SPEF2: variants seen among roughly 807,000 people sequenced by gnomAD.
SPEF2 encodes the protein sperm flagellar and cilia associated 2.
SPEF2 carries 187 observed loss-of-function variants against 224.6 expected under a neutral mutation model. That is an observed-to-expected ratio of 0.83 (90% CI 0.74 to 0.94). The LOEUF (loss-of-function observed/expected upper bound fraction) is 0.94, where lower values mean the gene tolerates loss of function less well. Ranked by LOEUF, SPEF2 falls within the 40% of genes least tolerant of loss-of-function variation. SPEF2 has a pLI of 0.00. For synonymous variants in SPEF2, 715 were observed against 707.3 expected, an observed-to-expected ratio of 1.01 and a Z score of -0.17; for missense variants, 2,170 against 2,135.6, an observed-to-expected ratio of 1.02 and a Z score of -0.32.
chr5:35,646,443 T>C (rs1561126043), intron 4 of SPEF2: 2 of 375,782 alleles, frequency 5.3e-6, no homozygotes, highest in Non-Finnish European at 9.6e-6. Flanking sequence ...TTAATAGATA[T>C]GATTTGCAGA....
chr5:35,701,207 G>T (rs1449357726), intron 16 of SPEF2, among the ~76,000 whole-genome samples: 2 of 152,162 alleles, frequency 1.3e-5, no homozygotes, highest in Admixed American at 1.3e-4. Flanking sequence ...CACATGATGG[G>T]TGAATCTTCC....
intron 10 of SPEF2, among the ~76,000 whole-genome samples, chr5:35,684,744 A>G (rs921679504): frequency 2.6e-5 from 4 of 152,240 alleles, no homozygotes; most frequent in Admixed American, 2.0e-4. Context: ...CAGAAGCCTT[A>G]TATAATAGAA....
At chr5:35,751,787 C>A (rs776155144) in intron 23 of SPEF2, among the ~76,000 whole-genome samples, 9 of 152,192 alleles carry the variant, frequency 5.9e-5, no homozygotes, top group Non-Finnish European at 8.8e-5. Flanking sequence ...AAATTAATTT[C>A]TGGCTCTACC....
At chr5:35,667,303 T>C (rs1750616543) in intron 9 of SPEF2, 44 bp downstream of exon 9, 1 of 1,472,976 alleles carries the variant, frequency 6.8e-7, no homozygotes, top group Non-Finnish European at 9.3e-7. Flanking sequence ...CGATAGAGAA[T>C]GAGGAAGGAT....
rs778596460 is a variant in SPEF2 at position 35,697,729 on chromosome 5, T to C, written c.2077T>C (p.Leu693=). The C allele has an allele frequency of 2.5e-6, 4 of 1,613,442 alleles. No individual in the cohort carries two copies. In the African/African-American group the frequency reaches 5.3e-5, roughly 22 times the overall value. The change falls in exon 15 of 37, where the codon TTG becomes CTG. Residue 693 remains leucine (L), a synonymous_variant. Coordinates refer to ENST00000356031, the MANE Select transcript of SPEF2 (RefSeq NM_024867.4). ...TCAGCTTGGTGCAAAATCAGAACAG[T>C]TGCTGAAGAAAGGAAAGAGCATTCC... ...RAQLGAKSEQ[L]LKKGKSIPDV...
chr5:35,696,096 A>T (rs1009770701), intron 14 of SPEF2, among the ~76,000 whole-genome samples: 5 of 152,146 alleles, frequency 3.3e-5, no homozygotes, highest in African/African-American at 4.8e-5. Context: ...TATGACTTTT[A>T]TTTCGCTCAT....
chr5:35,629,677 T>G (rs1356135483), intron 2 of SPEF2, among the ~76,000 whole-genome samples: 4 of 152,184 alleles, frequency 2.6e-5, no homozygotes, highest in African/African-American at 9.7e-5. Context: ...TTCACATATT[T>G]AGTATCTTCA....
intron 26 of SPEF2, among the ~76,000 whole-genome samples, chr5:35,768,209 G>A (rs959216964): frequency 6.6e-6 from 1 of 152,056 alleles, no homozygotes; most frequent in Non-Finnish European, 1.5e-5. Context: ...TGCTGATGAT[G>A]CTGATGTCAA....
chr5:35,672,274 TATTGA>T (rs1751303261), intron 10 of SPEF2, among the ~76,000 whole-genome samples: 2 of 4,512 alleles, frequency 4.4e-4, no homozygotes, highest in East Asian at 8.7e-3. Context: ...ATTATAATGT[TATTGA>T]ACATTATATA....
At chr5:35,668,388 A>G (rs1393165339) in intron 9 of SPEF2, among the ~76,000 whole-genome samples, 1 of 152,190 alleles carries the variant, frequency 6.6e-6, no homozygotes, top group Non-Finnish European at 1.5e-5. Flanking sequence ...GCTGCGTGGG[A>G]AAGAGCCAGT....
chr5:35,697,632 G>A, intron 14 of SPEF2, 58 bp from the exon 15 acceptor site: 3 of 1,388,142 alleles, frequency 2.2e-6, no homozygotes, highest in Admixed American at 3.5e-5. Context: ...TCCTCCAAAT[G>A]TTTGGAATTT....
At chr5:35,686,376 T>G (rs552866587) in intron 10 of SPEF2, among the ~76,000 whole-genome samples, 4 of 152,214 alleles carry the variant, frequency 2.6e-5, no homozygotes, top group Non-Finnish European at 5.9e-5. Flanking sequence ...AATGGAATAA[T>G]ATCTAGGTAA....
intron 34 of SPEF2, 45 bp from the exon 35 acceptor site, chr5:35,806,662 A>G (rs575189448): frequency 7.6e-6 from 12 of 1,575,128 alleles, no homozygotes; most frequent in African/African-American, 1.4e-5. Context: ...CATTGGTGGA[A>G]AAAACTTCAG....
In SPEF2 at chr5:35,628,538, A is replaced by T. The variant is rs141955612; in HGVS notation, c.137A>T (p.Asp46Val). 1.2e-5 allele frequency: 19 copies of T among 1,612,766 alleles called. No homozygotes were observed. Among genetic ancestry groups the T allele is most frequent in the Non-Finnish European group, 1.3e-5 (15 of 1,179,060 alleles). Residue 46 changes from aspartate to valine, a missense_variant, in exon 2 of 37, where the codon GAT becomes GTT. Physicochemically the swap from Asp to Val is radical, Grantham distance 152. Transcript: ENST00000356031. ...EVLHKFELQD[D>V]FSEFLDSRVS... ...CTACACAAGTTTGAACTTCAGGATG[A>T]TTTTTCAGAATTTTTGGACAGCAGG... is the stretch of plus-strand genomic sequence containing the variant.
rs376221917 is a variant in SPEF2, at chr5:35,775,388, T to C, written c.4079-869T>C. ...TGGATAAGTTTTTCCAGGGGAAAAA[T>C]TGGCGTGAGAATGAAGAGGAGTATT... On this transcript the variant is annotated intron_variant, in intron 28 of 36. Coordinates refer to ENST00000356031, the MANE Select transcript of SPEF2 (RefSeq NM_024867.4). 4.6e-5 allele frequency among the ~76,000 whole-genome samples: 7 copies of C among 152,050 alleles called. No individual in the cohort carries two copies. The South Asian group carries it at 1.5e-3, about 32-fold the overall frequency.
At chr5:35,760,087 C>T (rs562740117) in intron 25 of SPEF2, among the ~76,000 whole-genome samples, 4 of 152,090 alleles carry the variant, frequency 2.6e-5, no homozygotes, top group Admixed American at 6.6e-5. Flanking sequence ...CTCCGCCAGG[C>T]GCGGTGGCTC....
intron 8 of SPEF2, among the ~76,000 whole-genome samples, chr5:35,661,257 TATATATATATATATATATATA>T (rs1749666439): frequency 9.6e-4 from 6 of 6,236 alleles, no homozygotes; most frequent in Admixed American, 5.4e-3. Context: ...GTATATATTA[TATATATATATATATATATATA>T]TATATATATA....
chr5:35,648,463 C>G (rs1339066355), intron 5 of SPEF2, among the ~76,000 whole-genome samples: 1 of 151,108 alleles, frequency 6.6e-6, no homozygotes, highest in Non-Finnish European at 1.5e-5. Flanking sequence ...TGGATCATTG[C>G]AGCCTTAACC....
intron 30 of SPEF2, chr5:35,789,051 C>A (rs867658591): frequency 2.9e-6 from 2 of 682,284 alleles, no homozygotes; most frequent in South Asian, 3.1e-5. Context: ...TTTGAAATAT[C>A]GTATTATTTT....
Sources: allele counts gnomAD v4.1 joint callset (sites outside exome capture counted in the v4.1 genomes callset), GRCh38; gene constraint gnomAD v4.1.1; transcripts MANE v1.5; gene names NCBI Gene and HGNC (gene_info 2026-07-23, HGNC 2026-07-21).